Variants in ZNF880 observed in about 807,000 individuals in gnomAD.
The protein encoded by ZNF880 is zinc finger protein 880.
A neutral mutation model predicts 11.8 loss-of-function variants in ZNF880; 12 were observed. The ratio of observed to expected loss-of-function variants is 1.02; its 90% CI spans 0.65 to 1.65. ZNF880 has a LOEUF of 1.65. ZNF880 is among the 40% of genes most tolerant of loss of function. ZNF880 has a pLI of 0.00. For synonymous variants in ZNF880, 210 were observed against 232.4 expected, an observed-to-expected ratio of 0.90 and a Z score of 0.88; for missense variants, 601 against 673.9, an observed-to-expected ratio of 0.89 and a Z score of 1.20.
In ZNF880 at chr19:52,385,128, A is replaced by G. The variant is rs560733920; in HGVS notation, c.1548A>G (p.Gly516=). The change falls in exon 4 of 4, where the codon GGA becomes GGG. Residue 516 remains glycine (G), a synonymous_variant. Coordinates refer to ENST00000422689, the MANE Select transcript of ZNF880 (RefSeq NM_001145434.2). ...CACGACATAGGCAAATTCATACTGG[A>G]GAGAAGTCTTACAAATGCAATGAAT... ...HLARHRQIHT[G]EKSYKCNECG... 27 of 1,557,906 alleles carry G rather than the reference A, an allele frequency of 1.7e-5. No homozygotes were observed. The African/African-American group carries it at 3.3e-4, about 19-fold the overall frequency.
At chr19:52,380,798 T>G (rs555696986) in intron 3 of ZNF880, among the ~76,000 whole-genome samples, 8 of 152,286 alleles carry the variant, frequency 5.3e-5, no homozygotes, top group Admixed American at 5.2e-4. Context: ...TGCCTCAGCC[T>G]CCCAAGTAGC....
the ZNF880 span, among the ~76,000 whole-genome samples, chr19:52,392,306 C>CT: frequency 2.0e-5 from 3 of 149,614 alleles, no homozygotes; most frequent in African/African-American, 4.9e-5. Context: ...CTCTCTCTTT[C>CT]TTTTCTTTCA....
At chr19:52,370,092 C>T (rs74363354) in intron 1 of ZNF880, 115 bp downstream of exon 1, 67,131 of 1,338,612 alleles carry the variant, frequency 0.05, 2,611 homozygotes, top group African/African-American at 0.19. Flanking sequence ...CCCTCCACCC[C>T]GACTAAACTC....
downstream of ZNF880, among the ~76,000 whole-genome samples, chr19:52,387,810 C>CT (rs926848231): frequency 2.3e-4 from 31 of 133,972 alleles, 3 homozygotes; most frequent in African/African-American, 9.6e-4. Context: ...ACCACAATGT[C>CT]TTTTTTTTCC....
chr19:52,386,171 C>CAA (rs10674709), downstream of ZNF880, among the ~76,000 whole-genome samples: 33,756 of 76,908 alleles, frequency 0.44, 7,461 homozygotes, highest in Middle Eastern at 0.59. Flanking sequence ...GACTCTGTCT[C>CAA]AAAAAAAAAA....
intron 3 of ZNF880, 86 bp downstream of exon 3, chr19:52,374,513 G>C: frequency 1.3e-6 from 2 of 1,501,636 alleles, no homozygotes; most frequent in Non-Finnish European, 1.8e-6. Flanking sequence ...GGCTGTCGTA[G>C]AGTGGCAATC....
chr19:52,391,514 GAAAA>G, the ZNF880 span: 1 of 149,242 alleles, frequency 6.7e-6, no homozygotes, highest in African/African-American at 2.5e-5. Context: ...AAAATAAAGA[GAAAA>G]AAAAAGCTAG....
chr19:52,369,789 A>G (rs1986299547), upstream of ZNF880: 1 of 674,694 alleles, frequency 1.5e-6, no homozygotes, highest in Non-Finnish European at 2.6e-6. Flanking sequence ...ATTTCCAGAT[A>G]GCTGAGTTCT....
intron 1 of ZNF880, among the ~76,000 whole-genome samples, chr19:52,371,277 C>T (rs887948994): frequency 6.6e-6 from 1 of 152,036 alleles, no homozygotes; most frequent in South Asian, 2.1e-4. Flanking sequence ...AATCCCGGAA[C>T]TTATTTTAAC....
At chr19:52,371,805 G>T (rs1036418206) in intron 1 of ZNF880, among the ~76,000 whole-genome samples, 8 of 152,156 alleles carry the variant, frequency 5.3e-5, no homozygotes, top group Non-Finnish European at 1.2e-4. Flanking sequence ...AATAGGATGG[G>T]AACAGATTGT....
At chr19:52,385,949 G>A (rs1385782651), downstream of ZNF880, among the ~76,000 whole-genome samples, 1 of 143,372 alleles carries the variant, frequency 7.0e-6, no homozygotes, top group Admixed American at 6.9e-5. Flanking sequence ...GCTGAGGCGG[G>A]CGGATCACGA....
rs764274378 is a variant in ZNF880, at chr19:52,384,305, G to A, written c.725G>A (p.Cys242Tyr). The A allele has an allele frequency of 6.2e-7, 1 of 1,613,874 alleles. No homozygotes were observed. Among genetic ancestry groups the A allele is most frequent in the Non-Finnish European group, 8.5e-7 (1 of 1,179,852 alleles). The change falls in exon 4 of 4, where the codon TGT (cysteine) becomes TAT (tyrosine). Residue 242 changes from cysteine to tyrosine, a missense_variant. Physicochemically the swap from Cys to Tyr is radical, Grantham distance 194. Coordinates refer to ENST00000422689, the MANE Select transcript of ZNF880 (RefSeq NM_001145434.2). Reference sequence around the variant, plus strand: ...CATACTGGAGAGAAGCCTTACAAGTGTCATGAATGTGGCAAGCTCTTCAAT... The same window carrying A: ...CATACTGGAGAGAAGCCTTACAAGTATCATGAATGTGGCAAGCTCTTCAAT... Reference protein sequence around the residue: ...RIHTGEKPYKCHECGKLFNRI... With the variant: ...RIHTGEKPYKYHECGKLFNRI...
At chr19:52,369,213 G>A (rs970505368), upstream of ZNF880, among the ~76,000 whole-genome samples, 13 of 151,464 alleles carry the variant, frequency 8.6e-5, no homozygotes, top group East Asian at 2.4e-3. Context: ...GTACAAAAAA[G>A]TAGCCCGGTG....
At chr19:52,379,502 T>C in intron 3 of ZNF880, 1 of 449,744 alleles carries the variant, frequency 2.2e-6, no homozygotes, top group Non-Finnish European at 4.5e-6. Context: ...TTCAAGCAAT[T>C]CTTCTGCATC....
chr19:52,393,834 C>CTTT, the ZNF880 span, among the ~76,000 whole-genome samples: 16 of 144,264 alleles, frequency 1.1e-4, no homozygotes, highest in East Asian at 1.5e-3. Flanking sequence ...TTGCCCCCCC[C>CTTT]CTTTTTTTTT....
chr19:52,383,751 C>A, intron 3 of ZNF880, 98 bp from the exon 4 acceptor site: 1 of 1,254,446 alleles, frequency 8.0e-7, no homozygotes, highest in Non-Finnish European at 1.1e-6. Flanking sequence ...TATTCCTTCC[C>A]ATGTCTGAGT....
chr19:52,394,510 C>T, the ZNF880 span, among the ~76,000 whole-genome samples: 61 of 152,292 alleles, frequency 4.0e-4, no homozygotes, highest in Middle Eastern at 0.01. Flanking sequence ...GCTGGGATTA[C>T]AGGCACGAGC....
At chr19:52,378,776 T>C (rs756713629) in intron 3 of ZNF880, among the ~76,000 whole-genome samples, 23 of 152,042 alleles carry the variant, frequency 1.5e-4, no homozygotes, top group Non-Finnish European at 2.1e-4. Context: ...GGCCTTTCCA[T>C]GTATTAGAAA....
chr19:52,377,920 A>C (rs1244984009), intron 3 of ZNF880, among the ~76,000 whole-genome samples: 1 of 152,124 alleles, frequency 6.6e-6, no homozygotes, highest in Non-Finnish European at 1.5e-5. Context: ...ATCTCAGCTC[A>C]CTGCAATCTC....
Sources: gnomAD v4.1 joint callset for allele counts (sites outside exome capture counted in the v4.1 genomes callset) on GRCh38, gnomAD v4.1.1 for gene constraint, MANE v1.5 for transcripts, NCBI Gene and HGNC (gene_info 2026-07-23, HGNC 2026-07-21) for gene names.